LMX1B: variants seen among roughly 807,000 people sequenced by gnomAD.
LMX1B encodes the protein LIM homeobox transcription factor 1-beta.
In LMX1B, 12 loss-of-function variants were observed where a neutral mutation model predicts 51.4. That is an observed-to-expected ratio of 0.23 (90% CI 0.15 to 0.38). LMX1B has a LOEUF of 0.38. Ranked by LOEUF, LMX1B falls within the 10% of genes least tolerant of loss-of-function variation. The probability of loss-of-function intolerance (pLI) is 1.00; values close to 1 mark genes in which losing one functional copy is unlikely to be tolerated. For missense variants in LMX1B, 445 were observed against 571.1 expected, an observed-to-expected ratio of 0.78 and a Z score of 2.25; for synonymous variants, 237 against 235.4, an observed-to-expected ratio of 1.01 and a Z score of -0.06.
intron 2 of LMX1B, among the ~76,000 whole-genome samples, chr9:126,622,015 A>G (rs1483120127): frequency 6.6e-6 from 1 of 152,140 alleles, no homozygotes; most frequent in Non-Finnish European, 1.5e-5. Flanking sequence ...TTCCCTGGAT[A>G]ATATTGTATC....
chr9:126,639,630 C>T (rs1487290953), intron 2 of LMX1B, among the ~76,000 whole-genome samples: 1 of 152,212 alleles, frequency 6.6e-6, no homozygotes, highest in Non-Finnish European at 1.5e-5. Context: ...CGCAGCCTGG[C>T]CCCTTCCCAC....
At chr9:126,691,528 C>G (rs549364914) in intron 3 of LMX1B, among the ~76,000 whole-genome samples, 3 of 152,356 alleles carry the variant, frequency 2.0e-5, no homozygotes, top group African/African-American at 7.2e-5. Flanking sequence ...GTCCACATGG[C>G]TGCACATATA....
chr9:126,663,900 C>T (rs1335716838), intron 2 of LMX1B, among the ~76,000 whole-genome samples: 1 of 152,260 alleles, frequency 6.6e-6, no homozygotes, highest in African/African-American at 2.4e-5. Flanking sequence ...TTGGGGAATC[C>T]CGGGGGCCTC....
chr9:126,632,194 C>T (rs559263266), intron 2 of LMX1B, among the ~76,000 whole-genome samples: 7 of 152,298 alleles, frequency 4.6e-5, no homozygotes, highest in African/African-American at 1.4e-4. Context: ...AAGAGCCATA[C>T]CAGTCCATGG....
chr9:126,639,271 C>T (rs11792928), intron 2 of LMX1B, among the ~76,000 whole-genome samples: 35,900 of 152,182 alleles, frequency 0.24, 4,835 homozygotes, highest in Middle Eastern at 0.35. Flanking sequence ...CCCGCTTTGC[C>T]GGGTGAGGGT....
Position 126,673,260 on chromosome 9 carries a change from AG to A in LMX1B, c.327-17573del, listed in dbSNP as rs1472817476. ...CCACAGGGAGCCCCTACCTAGGGAA[AG>A]GGCATTGAGGGGACCTGTCAGAGTG... On this transcript the variant is annotated intron_variant, in intron 2 of 7. Transcript: ENST00000373474. The surrounding 1 kb of genome is among the most constrained non-coding windows in gnomAD (Gnocchi z 4.4). Among the ~76,000 whole-genome samples, 4 of 152,232 alleles carry A rather than the reference AG, an allele frequency of 2.6e-5. No individual in the cohort carries two copies. Among genetic ancestry groups the A allele is most frequent in the Non-Finnish European group, 1.5e-5 (1 of 68,000 alleles).
At chr9:126,669,406 T>C (rs1836408453) in intron 2 of LMX1B, among the ~76,000 whole-genome samples, 1 of 152,176 alleles carries the variant, frequency 6.6e-6, no homozygotes, top group Non-Finnish European at 1.5e-5. Flanking sequence ...TGGGCCTCCC[T>C]GGACTTCTGA....
At chr9:126,648,348 C>T (rs1263779193) in intron 2 of LMX1B, among the ~76,000 whole-genome samples, 4 of 152,168 alleles carry the variant, frequency 2.6e-5, no homozygotes, top group Non-Finnish European at 5.9e-5. Context: ...CCCAGCCCTG[C>T]GGGTCTGCCC....
chr9:126,693,666 G>A, intron 5 of LMX1B, 65 bp downstream of exon 5: 1 of 1,605,500 alleles, frequency 6.2e-7, no homozygotes, highest in Non-Finnish European at 8.5e-7. Context: ...GCAGCCAGAA[G>A]ACTACGGTCC....
chr9:126,687,456 C>T (rs1411743987), intron 2 of LMX1B, among the ~76,000 whole-genome samples: 1 of 152,108 alleles, frequency 6.6e-6, no homozygotes, highest in African/African-American at 2.4e-5. Context: ...TTTTGAACTC[C>T]TAACCTTAAG....
intron 2 of LMX1B, among the ~76,000 whole-genome samples, chr9:126,642,616 A>G (rs778476786): frequency 3.3e-5 from 5 of 152,086 alleles, no homozygotes; most frequent in Non-Finnish European, 5.9e-5. Flanking sequence ...TGGCTTTGCC[A>G]CCGTCTCCCT....
chr9:126,614,099 TGCCGCCGCCGCCACCGCCACC>T lies in LMX1B; in HGVS notation c.-338_-318del, dbSNP rs1374904737. On this transcript the variant is annotated 5_prime_UTR_variant, in exon 1 of 8. Coordinates refer to ENST00000373474, the MANE Select transcript of LMX1B (RefSeq NM_001174147.2). ...CTGCACCCCCACCCCCTCCCCCGCCTGCCGCCGCCGCCACCGCCACCGCCGCCGCCGCCTCCTCCCCGCGGC... is the reference window on the plus strand; with the variant it reads ...CTGCACCCCCACCCCCTCCCCCGCCTGCCGCCGCCGCCTCCTCCCCGCGGC... 3.9e-5 allele frequency among the ~76,000 whole-genome samples: 4 copies of T among 103,354 alleles called. No homozygotes were observed. The highest frequency in any genetic ancestry group is 1.4e-4 in the African/African-American group (4 of 27,788). 67.8% of individuals were successfully genotyped at this position (103,354 alleles called of 152,430 possible).
chr9:126,664,846 G>T (rs1397822012), intron 2 of LMX1B, among the ~76,000 whole-genome samples: 3 of 152,218 alleles, frequency 2.0e-5, no homozygotes, highest in Admixed American at 6.5e-5. Flanking sequence ...TCGCAGTCCA[G>T]CCTGGGCAAC....
chr9:126,671,867 T>C lies in LMX1B; in HGVS notation c.327-18969T>C, dbSNP rs1305503766. 6.6e-6 allele frequency among the ~76,000 whole-genome samples: 1 copy of C among 152,038 alleles called. No homozygotes were observed. The highest frequency in any genetic ancestry group is 1.5e-5 in the Non-Finnish European group (1 of 67,954). ...CCACTTGGCCAGGCCTCCACTCCCC[T>C]CCCTCCAGAGGGGCAGAGAGGGAAT... On this transcript the variant is annotated intron_variant, in intron 2 of 7. Transcript: ENST00000373474. This position sits in a 1 kb window ranked among gnomAD's most constrained non-coding sequence, Gnocchi z 4.4.
At position 126,696,394 on chromosome 9, in the gene LMX1B, C is replaced by G; in HGVS notation, c.1152C>G (p.Arg384=). 6.2e-7 allele frequency: 1 copy of G among 1,614,126 alleles called. No individual in the cohort carries two copies. The highest frequency in any genetic ancestry group is 8.5e-7 in the Non-Finnish European group (1 of 1,179,994). ...GSSDVGSLQA[R]VGNPIDRLYS... is the part of the protein sequence containing the mutation. ...CAGACGTGGGCTCCCTGCAGGCCCGCGTGGGGAACCCCATCGACCGGCTCT... is the reference window on the plus strand; with the variant it reads ...CAGACGTGGGCTCCCTGCAGGCCCGGGTGGGGAACCCCATCGACCGGCTCT... The change falls in exon 8 of 8, where the codon CGC becomes CGG. Residue 384 remains arginine, a synonymous_variant. Transcript: ENST00000373474.
chr9:126,662,691 C>A (rs547994741), intron 2 of LMX1B, among the ~76,000 whole-genome samples: 1 of 152,294 alleles, frequency 6.6e-6, no homozygotes, highest in South Asian at 2.1e-4. Context: ...CCTGTTGGAG[C>A]AGGCCCCAAG....
intron 2 of LMX1B, among the ~76,000 whole-genome samples, chr9:126,621,666 T>C (rs1390702421): frequency 2.2e-5 from 2 of 88,972 alleles, no homozygotes; most frequent in African/African-American, 6.0e-5. Context: ...TTTTTTTTTT[T>C]TTTTTTTTTT....
intron 2 of LMX1B, among the ~76,000 whole-genome samples, chr9:126,653,529 A>G (rs1836059565): frequency 6.6e-6 from 1 of 152,198 alleles, no homozygotes; most frequent in South Asian, 2.1e-4. Flanking sequence ...CAAAAAATAG[A>G]GAGGTCCCTG....
chr9:126,655,726 G>A (rs766889048), intron 2 of LMX1B, among the ~76,000 whole-genome samples: 12 of 152,176 alleles, frequency 7.9e-5, no homozygotes, highest in Non-Finnish European at 1.6e-4. Context: ...TTTAGGTATT[G>A]TTTTCATAAC....
Sources: gnomAD v4.1 joint callset for allele counts (sites outside exome capture counted in the v4.1 genomes callset) on GRCh38, gnomAD v4.1.1 for gene constraint, Gnocchi (gnomAD v3.1) non-coding constraint, MANE v1.5 for transcripts, NCBI Gene and HGNC (gene_info 2026-07-23, HGNC 2026-07-21) for gene names.